Variants in SNTG1 observed in about 807,000 individuals in gnomAD.
SNTG1 encodes gamma-1-syntrophin.
Under a neutral mutation model 74.7 loss-of-function variants are expected in SNTG1, and 39 were observed. That is an observed-to-expected ratio of 0.52 (90% CI 0.40 to 0.68). The LOEUF is 0.68. Among genes scored for constraint, SNTG1 ranks in the 30% least tolerant of loss-of-function variants. The pLI, the probability that SNTG1 is intolerant of heterozygous loss-of-function variation, is 0.00. For synonymous variants in SNTG1, 254 were observed against 217.1 expected (o/e 1.17, Z -1.49); for missense variants, 685 against 609.5 (o/e 1.12, Z -1.30).
intron 15 of SNTG1, 67 bp downstream of exon 15, chr8:50,658,730 A>G: frequency 9.8e-7 from 1 of 1,024,250 alleles, no homozygotes; most frequent in South Asian, 1.4e-5. Context: ...TGGGCTCATA[A>G]GCAGCTCATG....
chr8:50,257,888 G>A (rs944300247), intron 2 of SNTG1, among the ~76,000 whole-genome samples: 3 of 152,192 alleles, frequency 2.0e-5, no homozygotes, highest in Admixed American at 6.6e-5. Context: ...CAATCAGCTA[G>A]CAATTAATGG....
chr8:50,792,856 C>T lies in SNTG1; in HGVS notation c.*27C>T. On this transcript the variant is annotated 3_prime_UTR_variant, in exon 19 of 19. Coordinates refer to ENST00000642720, the MANE Select transcript of SNTG1 (RefSeq NM_018967.5). ...ATACTGAACTCTTCATTGACACACC[C>T]CATGACTGTATAAGCAGGACACATT... The T allele has an allele frequency of 2.5e-6, 4 of 1,596,412 alleles. No homozygotes were observed. Among genetic ancestry groups the T allele is most frequent in the Non-Finnish European group, 1.7e-6 (2 of 1,170,758 alleles).
chr8:49,917,801 G>A (rs1806175461), intron 1 of SNTG1, among the ~76,000 whole-genome samples: 1 of 152,094 alleles, frequency 6.6e-6, no homozygotes, highest in South Asian at 2.1e-4. Context: ...TCAGGGTGCA[G>A]GCAGTTCATG....
intron 8 of SNTG1, among the ~76,000 whole-genome samples, chr8:50,466,512 C>A (rs1357201943): frequency 2.0e-5 from 3 of 151,902 alleles, no homozygotes; most frequent in African/African-American, 7.2e-5. Context: ...TATTCTGTTG[C>A]AATTTAAAGT....
At chr8:50,777,856 C>G (rs932099545) in intron 18 of SNTG1, among the ~76,000 whole-genome samples, 1 of 152,064 alleles carries the variant, frequency 6.6e-6, no homozygotes, top group Admixed American at 6.6e-5. Flanking sequence ...TCCCCTGTCC[C>G]CCCACCCGAC....
chr8:50,333,767 C>T (rs1043123814), intron 2 of SNTG1, among the ~76,000 whole-genome samples: 12 of 151,824 alleles, frequency 7.9e-5, no homozygotes, highest in Non-Finnish European at 1.5e-4. Context: ...CCTTGATTGA[C>T]CAAAATAAAC....
At chr8:50,373,015 T>G (rs1262419484) in intron 2 of SNTG1, among the ~76,000 whole-genome samples, 1 of 152,170 alleles carries the variant, frequency 6.6e-6, no homozygotes, top group African/African-American at 2.4e-5. Context: ...ATTTAAACAT[T>G]TAGCTATTCT....
At chr8:50,758,345 A>G (rs1191764250) in intron 18 of SNTG1, among the ~76,000 whole-genome samples, 1 of 151,938 alleles carries the variant, frequency 6.6e-6, no homozygotes, top group Non-Finnish European at 1.5e-5. Context: ...TTATAATTTA[A>G]GTTCAGAGAT....
At chr8:50,276,373 T>TTATATATATATA (rs6150576) in intron 2 of SNTG1, among the ~76,000 whole-genome samples, 157 of 143,376 alleles carry the variant, frequency 1.1e-3, no homozygotes, top group African/African-American at 3.4e-3. Flanking sequence ...CAAGTAAATT[T>TTATATATATATA]TATATATATA....
rs534611668 is a variant in SNTG1, at chr8:50,206,940, T to G, written c.-28+34305T>G. On this transcript the variant is annotated intron_variant, in intron 2 of 18. Transcript: ENST00000642720. ...CCAACTTGATTGTGATGGATAACCT[T>G]TTTGACGTGCTGCTGGTTTTGGTTT... Among the ~76,000 whole-genome samples, 87 of 152,316 alleles carry G rather than the reference T, an allele frequency of 5.7e-4. No homozygotes were observed. The Middle Eastern group carries it at 0.014, about 24-fold the overall frequency.
chr8:50,781,833 T>G lies in SNTG1; in HGVS notation c.1396-10838T>G, dbSNP rs189995459. ...TTTACAATTTGGCATGATTTTGCAG[T>G]GGCTGGTACCGTTTTTTCCTTTCCA... is the stretch of plus-strand genomic sequence containing the variant. On this transcript the variant is annotated intron_variant, in intron 18 of 18. Coordinates refer to ENST00000642720, the MANE Select transcript of SNTG1 (RefSeq NM_018967.5). 3.2e-4 allele frequency among the ~76,000 whole-genome samples: 48 copies of G among 152,346 alleles called. 1 individual carries two copies. Among genetic ancestry groups the G allele is most frequent in the African/African-American group, 1.1e-3 (46 of 41,592 alleles).
At chr8:50,431,152 C>T (rs1053867151) in intron 4 of SNTG1, among the ~76,000 whole-genome samples, 22 of 152,158 alleles carry the variant, frequency 1.4e-4, no homozygotes, top group East Asian at 9.6e-4. Context: ...TAGACATTTG[C>T]ATACATTAAG....
intron 2 of SNTG1, among the ~76,000 whole-genome samples, chr8:50,180,321 A>T (rs1009912880): frequency 1.3e-5 from 2 of 152,204 alleles, no homozygotes; most frequent in African/African-American, 4.8e-5. Context: ...ACTTGAAGTT[A>T]TATAGGATGA....
At chr8:50,209,751 A>G (rs1376146804) in intron 2 of SNTG1, among the ~76,000 whole-genome samples, 11 of 152,232 alleles carry the variant, frequency 7.2e-5, no homozygotes, top group African/African-American at 2.2e-4. Context: ...AAAGGTAAAT[A>G]AAACCACAAA....
chr8:50,658,311 G>A (rs1169520823), intron 14 of SNTG1, among the ~76,000 whole-genome samples: 2 of 152,024 alleles, frequency 1.3e-5, no homozygotes, highest in Non-Finnish European at 2.9e-5. Context: ...TATAGGTAGA[G>A]AATGCGTATA....
chr8:50,734,980 C>CAT (rs2095524551), intron 17 of SNTG1, among the ~76,000 whole-genome samples: 1 of 138,314 alleles, frequency 7.2e-6, no homozygotes, highest in African/African-American at 2.7e-5. Flanking sequence ...TATATCTATC[C>CAT]ATATATATGT....
chr8:50,465,226 T>C (rs1364201828), intron 8 of SNTG1, among the ~76,000 whole-genome samples: 3 of 152,174 alleles, frequency 2.0e-5, no homozygotes, highest in Non-Finnish European at 4.4e-5. Context: ...TTATCTGTCA[T>C]TCATTTATTT....
At chr8:49,915,682 T>C (rs1341535596) in intron 1 of SNTG1, among the ~76,000 whole-genome samples, 1 of 152,214 alleles carries the variant, frequency 6.6e-6, no homozygotes, top group East Asian at 1.9e-4. Context: ...ATGTTTGTCA[T>C]TAGTGATATT....
In SNTG1 at chr8:50,506,304, C is replaced by A. The variant is rs149072629; in HGVS notation, c.466+3424C>A. Among the ~76,000 whole-genome samples the A allele has an allele frequency of 5.8e-3, 885 of 152,078 alleles. 10 individuals are homozygous for A. The highest frequency in any genetic ancestry group is 0.02 in the African/African-American group (834 of 41,510). On this transcript the variant is annotated intron_variant, in intron 9 of 18. Coordinates refer to ENST00000642720, the MANE Select transcript of SNTG1 (RefSeq NM_018967.5). ...TAAAGCCCCAGCTCTGTTTTTCTTT[C>A]TCAAGAATTTTTGACTATTCAGAAT...
Sources: allele counts gnomAD v4.1 joint callset (sites outside exome capture counted in the v4.1 genomes callset), GRCh38; gene constraint gnomAD v4.1.1; transcripts MANE v1.5; gene names NCBI Gene and HGNC (gene_info 2026-07-23, HGNC 2026-07-21).